Variants in SLC39A11 observed in about 807,000 individuals in gnomAD.
SLC39A11 encodes solute carrier family 39 member 11.
A neutral mutation model predicts 36.1 loss-of-function variants in SLC39A11; 33 were observed. The ratio of observed to expected loss-of-function variants is 0.91; its 90% CI spans 0.69 to 1.22. The LOEUF (loss-of-function observed/expected upper bound fraction) is 1.22, where lower values mean the gene tolerates loss of function less well. Among genes scored for constraint, SLC39A11 ranks in the 50% most tolerant of loss-of-function variants. The pLI, the probability that SLC39A11 is intolerant of heterozygous loss-of-function variation, is 0.00. For synonymous variants in SLC39A11, 166 were observed against 170.3 expected (o/e 0.97, Z 0.20); for missense variants, 432 against 430.3 (o/e 1.00, Z -0.03).
intron 7 of SLC39A11, among the ~76,000 whole-genome samples, chr17:72,696,056 C>A (rs1201893660): frequency 6.6e-6 from 1 of 152,176 alleles, no homozygotes; most frequent in African/African-American, 2.4e-5. Flanking sequence ...GTGAAACAGA[C>A]CCCGCTATGG....
At chr17:72,852,161 C>T (rs1303918993) in intron 5 of SLC39A11, among the ~76,000 whole-genome samples, 3 of 134,330 alleles carry the variant, frequency 2.2e-5, no homozygotes, top group African/African-American at 5.6e-5. Context: ...CCCGAGATCC[C>T]GCGGCTGCAC....
At chr17:72,751,184 G>A (rs4396575) in intron 6 of SLC39A11, among the ~76,000 whole-genome samples, 54,750 of 152,070 alleles carry the variant, frequency 0.36, 12,000 homozygotes, top group Non-Finnish European at 0.49. Context: ...GAAGGCAGAG[G>A]CTGCAGTGAG....
At chr17:72,847,128 T>C (rs926100860) in intron 6 of SLC39A11, among the ~76,000 whole-genome samples, 2 of 152,168 alleles carry the variant, frequency 1.3e-5, no homozygotes, top group Admixed American at 1.3e-4. Flanking sequence ...CAGGGTCAGA[T>C]GCTGTGGCTC....
chr17:72,916,665 C>G (rs930852227), intron 5 of SLC39A11, among the ~76,000 whole-genome samples: 1 of 152,204 alleles, frequency 6.6e-6, no homozygotes, highest in African/African-American at 2.4e-5. Flanking sequence ...AAAACTGCAC[C>G]AGTGGCCAAG....
intron 7 of SLC39A11, among the ~76,000 whole-genome samples, chr17:72,684,218 G>A (rs773527214): frequency 6.6e-5 from 10 of 152,190 alleles, no homozygotes; most frequent in South Asian, 6.2e-4. Flanking sequence ...TCCCTTGCCC[G>A]GAGGCACCTG....
At chr17:72,980,796 G>A (rs574685410) in intron 4 of SLC39A11, among the ~76,000 whole-genome samples, 23 of 152,224 alleles carry the variant, frequency 1.5e-4, no homozygotes, top group Non-Finnish European at 2.8e-4. Flanking sequence ...AGGCTGAGGC[G>A]GGTGGATCAA....
intron 7 of SLC39A11, among the ~76,000 whole-genome samples, chr17:72,736,285 C>G (rs1332044593): frequency 1.3e-5 from 2 of 152,100 alleles, no homozygotes; most frequent in East Asian, 3.9e-4. Flanking sequence ...GGGACCCTAG[C>G]ATCAAGAAAG....
intron 5 of SLC39A11, among the ~76,000 whole-genome samples, chr17:72,925,022 G>T (rs1031549934): frequency 4.5e-5 from 6 of 134,170 alleles, no homozygotes; most frequent in Non-Finnish European, 9.4e-5. Context: ...AAAAAAAAAA[G>T]CCATAGAGAA....
chr17:72,898,947 A>G (rs1316147498), intron 5 of SLC39A11, among the ~76,000 whole-genome samples: 1 of 152,088 alleles, frequency 6.6e-6, no homozygotes, highest in African/African-American at 2.4e-5. Context: ...ACTATGCAAG[A>G]CTCAGCCTGA....
At chr17:73,063,550 G>A (rs1383079610) in intron 3 of SLC39A11, among the ~76,000 whole-genome samples, 1 of 152,072 alleles carries the variant, frequency 6.6e-6, no homozygotes, top group African/African-American at 2.4e-5. Flanking sequence ...GGGAGGCAGA[G>A]GTTGCAATGA....
At chr17:72,921,832 C>T (rs1218591798) in intron 5 of SLC39A11, among the ~76,000 whole-genome samples, 3 of 152,180 alleles carry the variant, frequency 2.0e-5, no homozygotes, top group African/African-American at 7.2e-5. Context: ...GTCAGTTCCG[C>T]TATGACATGC....
intron 5 of SLC39A11, among the ~76,000 whole-genome samples, chr17:72,869,619 A>G (rs905670213): frequency 1.3e-5 from 2 of 152,150 alleles, no homozygotes; most frequent in East Asian, 3.9e-4. Context: ...ACCTCAGGTG[A>G]TCCACCCACC....
At chr17:72,929,270 C>T (rs1490998374) in intron 5 of SLC39A11, among the ~76,000 whole-genome samples, 2 of 152,162 alleles carry the variant, frequency 1.3e-5, no homozygotes, top group African/African-American at 2.4e-5. Context: ...CACACATTGA[C>T]GGGGGGTACT....
chr17:72,682,625 C>A (rs2071557809), intron 7 of SLC39A11, among the ~76,000 whole-genome samples: 1 of 152,200 alleles, frequency 6.6e-6, no homozygotes, highest in South Asian at 2.1e-4. Flanking sequence ...TTCTTCCCAG[C>A]TGGACTATGA....
intron 4 of SLC39A11, among the ~76,000 whole-genome samples, chr17:72,976,385 A>G (rs2087850854): frequency 6.6e-6 from 1 of 152,128 alleles, no homozygotes; most frequent in African/African-American, 2.4e-5. Flanking sequence ...GACATGGCAA[A>G]CAACAACTCA....
At chr17:73,011,461 G>A (rs1279283962) in intron 4 of SLC39A11, among the ~76,000 whole-genome samples, 1 of 152,154 alleles carries the variant, frequency 6.6e-6, no homozygotes, top group Non-Finnish European at 1.5e-5. Context: ...CACAACCTGC[G>A]TGGGATACTC....
intron 7 of SLC39A11, among the ~76,000 whole-genome samples, chr17:72,698,923 T>G (rs576951614): frequency 1.3e-5 from 2 of 152,266 alleles, no homozygotes; most frequent in Non-Finnish European, 2.9e-5. Flanking sequence ...CTCTGCTTCC[T>G]GGGTTCACGC....
chr17:72,806,699 C>T (rs1043119012), intron 6 of SLC39A11, among the ~76,000 whole-genome samples: 20 of 152,168 alleles, frequency 1.3e-4, no homozygotes, highest in Non-Finnish European at 2.1e-4. Flanking sequence ...TCTCCCGCCT[C>T]AGCCTCCTGA....
intron 4 of SLC39A11, among the ~76,000 whole-genome samples, chr17:73,030,173 A>C (rs1318124216): frequency 6.6e-6 from 1 of 152,224 alleles, no homozygotes; most frequent in Non-Finnish European, 1.5e-5. Context: ...CTCAGAAGAT[A>C]AAGCTCACTT....
Sources: allele counts gnomAD v4.1 joint callset (sites outside exome capture counted in the v4.1 genomes callset), GRCh38; gene constraint gnomAD v4.1.1; transcripts MANE v1.5; gene names NCBI Gene and HGNC (gene_info 2026-07-23, HGNC 2026-07-21).